ARHGEF26: variants seen among roughly 807,000 people sequenced by gnomAD.
ARHGEF26 encodes Rho guanine nucleotide exchange factor 26, also known as Rho guanine nucleotide exchange factor (GEF) 26.
In ARHGEF26, 59 loss-of-function variants were observed where a neutral mutation model predicts 89.4. That is an observed-to-expected ratio of 0.66 (90% CI 0.54 to 0.82). The LOEUF is 0.82. ARHGEF26 is among the 40% of genes least tolerant of loss of function. ARHGEF26 has a pLI of 0.00. For missense variants in ARHGEF26, 1,234 were observed against 1,085.6 expected (o/e 1.14, Z -1.92); for synonymous variants, 500 against 428.4 (o/e 1.17, Z -2.06).
intron 12 of ARHGEF26, among the ~76,000 whole-genome samples, chr3:154,248,824 G>C (rs1401016805): frequency 6.6e-6 from 1 of 152,136 alleles, no homozygotes; most frequent in Admixed American, 6.5e-5. Flanking sequence ...TTTAAAATTT[G>C]GCAAATTGAA....
At chr3:154,229,687 C>G (rs1576806368) in intron 11 of ARHGEF26, among the ~76,000 whole-genome samples, 2 of 152,138 alleles carry the variant, frequency 1.3e-5, no homozygotes, top group African/African-American at 4.8e-5. Flanking sequence ...AGCCCCCTTA[C>G]ACCCTAGTTG....
At chr3:154,188,391 A>G (rs1027911482) in intron 7 of ARHGEF26, among the ~76,000 whole-genome samples, 1 of 152,260 alleles carries the variant, frequency 6.6e-6, no homozygotes. Context: ...GATTTCAGTT[A>G]TGCAGCAAAA....
At chr3:154,142,225 T>C (rs1719427815) in intron 4 of ARHGEF26, among the ~76,000 whole-genome samples, 1 of 152,044 alleles carries the variant, frequency 6.6e-6, no homozygotes, top group Admixed American at 6.5e-5. Flanking sequence ...TTTTCTTTTT[T>C]TTTTTTTCTT....
Position 154,122,045 on chromosome 3 carries a change from G to T in ARHGEF26, c.53G>T (p.Trp18Leu). The change falls in exon 2 of 15, where the codon TGG becomes TTG. Residue 18 changes from tryptophan (W) to leucine (L), a missense_variant. Transcript: ENST00000465093. ...TCTAGCAACAGCATAACCCCTTTGTGGCGGAGGCGGTCGATTCCTCAGCCC... is the reference window on the plus strand; with the variant it reads ...TCTAGCAACAGCATAACCCCTTTGTTGCGGAGGCGGTCGATTCCTCAGCCC... ...DFSSNSITPLWRRRSIPQPHQ... is the reference protein window; with the variant it reads ...DFSSNSITPLLRRRSIPQPHQ... The T allele has an allele frequency of 2.5e-6, 4 of 1,611,590 alleles. No individual in the cohort carries two copies. The highest frequency in any genetic ancestry group is 3.4e-6 in the Non-Finnish European group (4 of 1,178,084).
At chr3:154,148,323 C>T (rs1207650350) in intron 4 of ARHGEF26, among the ~76,000 whole-genome samples, 2 of 152,200 alleles carry the variant, frequency 1.3e-5, no homozygotes, top group East Asian at 3.8e-4. Flanking sequence ...TAGTTCCTTA[C>T]TGATGGCTTG....
At chr3:154,171,872 G>A (rs932440101) in intron 6 of ARHGEF26, among the ~76,000 whole-genome samples, 6 of 152,118 alleles carry the variant, frequency 3.9e-5, no homozygotes, top group Non-Finnish European at 8.8e-5. Flanking sequence ...AGTTGGGGGT[G>A]GGGGAGGACT....
intron 6 of ARHGEF26, among the ~76,000 whole-genome samples, chr3:154,153,754 TTTATGA>T (rs1375059946): frequency 1.3e-5 from 2 of 152,028 alleles, no homozygotes; most frequent in Non-Finnish European, 2.9e-5. Context: ...TTAGTAATAC[TTTATGA>T]TTATGTAAGA....
At chr3:154,125,864 G>A (rs866291859) in intron 3 of ARHGEF26, among the ~76,000 whole-genome samples, 3 of 152,086 alleles carry the variant, frequency 2.0e-5, no homozygotes. Context: ...TAAAGAAGCA[G>A]TGTGTCTAAA....
At chr3:154,136,821 T>C (rs1313672513) in intron 4 of ARHGEF26, among the ~76,000 whole-genome samples, 2 of 152,222 alleles carry the variant, frequency 1.3e-5, no homozygotes, top group East Asian at 1.9e-4. Context: ...AACGCAGCAG[T>C]CTCATAAGAT....
Position 154,254,651 on chromosome 3 carries a change from G to A in ARHGEF26, c.2369-69G>A, listed in dbSNP as rs557546401. On this transcript the variant is annotated intron_variant, in intron 13 of 14. Transcript: ENST00000465093. The stretch of plus-strand genomic sequence containing the variant: ...GAATTGCAGAGAAAAATAAGTAAGT[G>A]TACATTATTGGATTGCACATGTTTT... 6 of 1,196,222 alleles carry A rather than the reference G, an allele frequency of 5.0e-6. No homozygotes were observed. In the Admixed American group the frequency reaches 9.0e-5, roughly 18 times the overall value. 74.1% of individuals were successfully genotyped at this position (1,196,222 alleles called of 1,614,324 possible). A position where few individuals can be genotyped will look rare whatever the true frequency, so the allele number is the denominator to read the frequency against.
chr3:154,229,690 C>T (rs1438993360), intron 11 of ARHGEF26, among the ~76,000 whole-genome samples: 4 of 152,058 alleles, frequency 2.6e-5, no homozygotes, highest in Non-Finnish European at 2.9e-5. Context: ...CCCCTTACAC[C>T]CTAGTTGCGA....
At chr3:154,162,854 T>C (rs1317783337) in intron 6 of ARHGEF26, among the ~76,000 whole-genome samples, 3 of 152,160 alleles carry the variant, frequency 2.0e-5, no homozygotes, top group African/African-American at 4.8e-5. Flanking sequence ...CAAATGATTA[T>C]GAAATATAAA....
At chr3:154,162,206 G>T (rs1328692798) in intron 6 of ARHGEF26, among the ~76,000 whole-genome samples, 3 of 152,180 alleles carry the variant, frequency 2.0e-5, no homozygotes, top group Non-Finnish European at 4.4e-5. Flanking sequence ...TGCCAGTTGT[G>T]AGTAAAACAA....
intron 11 of ARHGEF26, among the ~76,000 whole-genome samples, chr3:154,234,139 C>CA (rs1453626653): frequency 6.6e-6 from 1 of 152,118 alleles, no homozygotes; most frequent in Non-Finnish European, 1.5e-5. Flanking sequence ...AGTTTTAAAA[C>CA]AATGTAAGCG....
intron 8 of ARHGEF26, among the ~76,000 whole-genome samples, chr3:154,192,289 A>G (rs1420651696): frequency 6.6e-6 from 1 of 152,242 alleles, no homozygotes; most frequent in Non-Finnish European, 1.5e-5. Flanking sequence ...AAAGTAAAAT[A>G]TATATTAAAA....
rs570239049 is a variant in ARHGEF26, at chr3:154,147,435, G to T, written c.1270-1954G>T. Among the ~76,000 whole-genome samples the T allele has an allele frequency of 3.3e-5, 5 of 152,234 alleles. No individual in the cohort carries two copies. The South Asian group carries it at 6.2e-4, about 19-fold the overall frequency. On this transcript the variant is annotated intron_variant, in intron 4 of 14. Transcript: ENST00000465093. ...CAATAAATAAATAAATACGAAAAAG[G>T]AGCCTGTACAATTTTAATTTCTTTC...
Position 154,194,733 on chromosome 3 carries a change from A to G in ARHGEF26, c.1845+15A>G, listed in dbSNP as rs1714181580. On this transcript the variant is annotated intron_variant, in intron 9 of 14. Transcript: ENST00000465093. ...AAGTTAGCAAGGTAACTGTTGGGTGACAGTTTGTTTGTAAGACAGGAAACC... is the reference window on the plus strand; with the variant it reads ...AAGTTAGCAAGGTAACTGTTGGGTGGCAGTTTGTTTGTAAGACAGGAAACC... The G allele has an allele frequency of 1.2e-6, 2 of 1,606,218 alleles. No homozygotes were observed. The highest frequency in any genetic ancestry group is 1.7e-6 in the Non-Finnish European group (2 of 1,175,136).
rs188991541 is a variant in ARHGEF26, at chr3:154,179,061, G to A, written c.1488-8624G>A. Among the ~76,000 whole-genome samples the A allele has an allele frequency of 4.3e-3, 655 of 152,184 alleles. 2 individuals carry two copies. Among genetic ancestry groups the A allele is most frequent in the Middle Eastern group, 0.02 (6 of 294 alleles). On this transcript the variant is annotated intron_variant, in intron 6 of 14. Transcript: ENST00000465093. ...TTAATAGTAATTTCCAAGTTCTTGC[G>A]TAGATGTTTCATTATACAAGCACTA...
At chr3:154,250,201 G>C (rs1718045981) in intron 12 of ARHGEF26, among the ~76,000 whole-genome samples, 1 of 152,124 alleles carries the variant, frequency 6.6e-6, no homozygotes, top group Admixed American at 6.6e-5. Context: ...AGCTAATTTT[G>C]TATTTTTAGC....
Sources: allele counts gnomAD v4.1 joint callset (sites outside exome capture counted in the v4.1 genomes callset), GRCh38; gene constraint gnomAD v4.1.1; transcripts MANE v1.5; gene names NCBI Gene and HGNC (gene_info 2026-07-23, HGNC 2026-07-21).